The following CYP20A1 variants were observed in gnomAD, a reference collection of about 807,000 sequenced individuals.
The protein encoded by CYP20A1 is cytochrome P450 family 20 subfamily A member 1, also known as cytochrome P450 20A1.
Under a neutral mutation model 61.4 loss-of-function variants are expected in CYP20A1, and 61 were observed. The observed-to-expected ratio is 0.99, with a 90% CI of 0.81 to 1.23. CYP20A1 has a LOEUF of 1.23. Among genes scored for constraint, CYP20A1 ranks in the 50% most tolerant of loss-of-function variants. The pLI is 0.00. For synonymous variants in CYP20A1, 193 were observed against 188.2 expected (o/e 1.03, Z -0.21); for missense variants, 530 against 542.4 (o/e 0.98, Z 0.23).
rs138580946 is a variant in CYP20A1, at chr2:203,266,942, C to T, written c.600+261C>T. ...GTCACAGTGAGCCAAGATCATGCCA[C>T]TGCACTCCAGCCTCAGTGACAGAGT... On this transcript the variant is annotated intron_variant, in intron 5 of 12. Transcript: ENST00000356079. Among the ~76,000 whole-genome samples the T allele has an allele frequency of 4.6e-5, 7 of 152,238 alleles. No homozygotes were observed. The East Asian group carries it at 1.4e-3, about 29-fold the overall frequency.
chr2:203,257,559 G>A (rs897307542), intron 4 of CYP20A1, among the ~76,000 whole-genome samples: 4 of 151,868 alleles, frequency 2.6e-5, no homozygotes, highest in African/African-American at 9.7e-5. Flanking sequence ...GGGGGCCGAC[G>A]CAGGTGGATC....
At chr2:203,262,784 G>T (rs1233718171) in intron 4 of CYP20A1, among the ~76,000 whole-genome samples, 1 of 151,706 alleles carries the variant, frequency 6.6e-6, no homozygotes, top group Non-Finnish European at 1.5e-5. Flanking sequence ...CGCCTCCCGG[G>T]TTCACGCCAT....
At chr2:203,285,270 A>T (rs1201903240) in intron 8 of CYP20A1, among the ~76,000 whole-genome samples, 3 of 152,190 alleles carry the variant, frequency 2.0e-5, no homozygotes, top group Non-Finnish European at 4.4e-5. Flanking sequence ...ATCCATTGCA[A>T]CAGCCAACAT....
At chr2:203,291,492 T>G (rs920132302) in intron 10 of CYP20A1, among the ~76,000 whole-genome samples, 1 of 152,216 alleles carries the variant, frequency 6.6e-6, no homozygotes, top group African/African-American at 2.4e-5. Flanking sequence ...ATTGGAGAGA[T>G]AGAACAAATT....
At chr2:203,246,723 G>A (rs760064056) in intron 2 of CYP20A1, 32 bp from the exon 3 acceptor site, 1 of 1,596,460 alleles carries the variant, frequency 6.3e-7, no homozygotes, top group South Asian at 1.1e-5. Context: ...AAATTAAATT[G>A]ATTATTTTGT....
At position 203,266,558 on chromosome 2, in the gene CYP20A1, C is replaced by G. The variant is rs779576281; in HGVS notation, c.477C>G (p.Thr159=). The change falls in exon 5 of 13, where the codon ACC becomes ACG. Residue 159 remains threonine (T), a synonymous_variant. Transcript: ENST00000356079. ...ATAAATGGCTCTCCTACCCAGAGACCCAGCACGTGCCCCTCAGCCAGCATA... is the reference window on the plus strand; with the variant it reads ...ATAAATGGCTCTCCTACCCAGAGACGCAGCACGTGCCCCTCAGCCAGCATA... The part of the protein sequence containing the change: ...LLDKWLSYPE[T]QHVPLSQHML... The G allele has an allele frequency of 6.2e-7, 1 of 1,614,014 alleles. No individual in the cohort carries two copies. The highest frequency in any genetic ancestry group is 8.5e-7 in the Non-Finnish European group (1 of 1,179,970).
rs1388034124 is a variant in CYP20A1, at chr2:203,297,098, C to CAGTA, written c.*191_*194dup. ...CATTGTACACATTTGACTTACTGCA[C>CAGTA]AGTATATTGATCATTTTAATGGGAA... is the stretch of plus-strand genomic sequence containing the variant. On this transcript the variant is annotated 3_prime_UTR_variant, in exon 13 of 13. Coordinates refer to ENST00000356079, the MANE Select transcript of CYP20A1 (RefSeq NM_177538.3). The CAGTA allele has an allele frequency of 4.8e-6, 2 of 418,426 alleles. No homozygotes were observed. The highest frequency in any genetic ancestry group is 4.2e-5 in the African/African-American group (2 of 47,744). 25.9% of individuals were successfully genotyped at this position (418,426 alleles called of 1,614,324 possible).
Position 203,300,607 on chromosome 2 carries a change from T to C in CYP20A1, c.*3699T>C, listed in dbSNP as rs1388842374. 1.3e-5 allele frequency among the ~76,000 whole-genome samples: 2 copies of C among 152,232 alleles called. No individual in the cohort carries two copies. The highest frequency in any genetic ancestry group is 1.9e-4 in the East Asian group (1 of 5,180). ...AGTGTATTGTTAAAAAACATAAGCATGGCCGGGCACAGTGGCTCACACCTG... is the reference window on the plus strand; with the variant it reads ...AGTGTATTGTTAAAAAACATAAGCACGGCCGGGCACAGTGGCTCACACCTG... On this transcript the variant is annotated 3_prime_UTR_variant, in exon 13 of 13. Coordinates refer to ENST00000356079, the MANE Select transcript of CYP20A1 (RefSeq NM_177538.3).
At chr2:203,265,211 A>G (rs1405834100) in intron 4 of CYP20A1, among the ~76,000 whole-genome samples, 2 of 152,102 alleles carry the variant, frequency 1.3e-5, no homozygotes, top group Non-Finnish European at 2.9e-5. Context: ...GCATGGTAGG[A>G]TATTTAGTAG....
At chr2:203,289,727 C>G in intron 9 of CYP20A1, 38 bp from the exon 10 acceptor site, 1 of 1,227,352 alleles carries the variant, frequency 8.1e-7, no homozygotes, top group Non-Finnish European at 1.2e-6. Context: ...AACTGCCTCC[C>G]AAAATAAACA....
chr2:203,252,389 TA>T (rs1466740614), intron 4 of CYP20A1, among the ~76,000 whole-genome samples: 2 of 151,700 alleles, frequency 1.3e-5, no homozygotes, highest in Non-Finnish European at 2.9e-5. Flanking sequence ...TATATATATA[TA>T]TTTTGTTGTT....
At chr2:203,239,845 C>G (rs552048609) in intron 1 of CYP20A1, among the ~76,000 whole-genome samples, 3 of 152,172 alleles carry the variant, frequency 2.0e-5, no homozygotes, top group Non-Finnish European at 4.4e-5. Flanking sequence ...AAAACCTGTT[C>G]TACACACTTT....
chr2:203,278,717 TAAAA>T (rs748036020), intron 7 of CYP20A1, 29 bp downstream of exon 7: 1 of 1,290,202 alleles, frequency 7.8e-7, no homozygotes, highest in South Asian at 1.4e-5. Flanking sequence ...GTTTATCAGG[TAAAA>T]AAATAAGCCA....
chr2:203,289,062 T>C (rs77541949), intron 9 of CYP20A1, among the ~76,000 whole-genome samples: 19,832 of 152,182 alleles, frequency 0.13, 2,021 homozygotes, highest in East Asian at 0.52. Context: ...CTTCCACCAA[T>C]TGGATATGAG....
At chr2:203,271,900 C>T (rs1486984154) in intron 5 of CYP20A1, among the ~76,000 whole-genome samples, 1 of 152,026 alleles carries the variant, frequency 6.6e-6, no homozygotes, top group Non-Finnish European at 1.5e-5. Flanking sequence ...GTGGTGGGCA[C>T]CTGTAATCCC....
intron 6 of CYP20A1, among the ~76,000 whole-genome samples, chr2:203,276,661 A>T (rs1334580764): frequency 6.6e-6 from 1 of 152,168 alleles, no homozygotes; most frequent in Non-Finnish European, 1.5e-5. Flanking sequence ...GGGAAATAAG[A>T]TGGGGAAGAC....
At chr2:203,261,823 C>G (rs996599785) in intron 4 of CYP20A1, among the ~76,000 whole-genome samples, 1 of 151,658 alleles carries the variant, frequency 6.6e-6, no homozygotes, top group Non-Finnish European at 1.5e-5. Flanking sequence ...GAAATTTGTC[C>G]TCTAGTATGC....
At position 203,280,064 on chromosome 2, in the gene CYP20A1, A is replaced by T; in HGVS notation, c.801A>T (p.Leu267=). The change falls in exon 8 of 13, where the codon CTA becomes CTT. Residue 267 remains leucine (L), a synonymous_variant. Coordinates refer to ENST00000356079, the MANE Select transcript of CYP20A1 (RefSeq NM_177538.3). ...VQGNLNDQQI[L]EDSMIFSLAS... ...AACTTAGTTTTGTTTCCTAGATCCTAGAAGACAGTATGATATTTTCTCTGG... is the reference window on the plus strand; with the variant it reads ...AACTTAGTTTTGTTTCCTAGATCCTTGAAGACAGTATGATATTTTCTCTGG... 2 of 1,606,630 alleles carry T rather than the reference A, an allele frequency of 1.2e-6. No homozygotes were observed. Among genetic ancestry groups the T allele is most frequent in the Non-Finnish European group, 1.7e-6 (2 of 1,176,744 alleles).
chr2:203,264,987 C>A (rs976915217), intron 4 of CYP20A1, among the ~76,000 whole-genome samples: 10 of 152,172 alleles, frequency 6.6e-5, no homozygotes, highest in Admixed American at 5.9e-4. Context: ...CCTCGGCCTC[C>A]CAAAGTGCTG....
Sources: allele counts gnomAD v4.1 joint callset (sites outside exome capture counted in the v4.1 genomes callset), GRCh38; gene constraint gnomAD v4.1.1; transcripts MANE v1.5; gene names NCBI Gene and HGNC (gene_info 2026-07-23, HGNC 2026-07-21).